Variants in MTMR3 observed in about 807,000 individuals in gnomAD.
MTMR3 encodes phosphatidylinositol-3,5-bisphosphate 3-phosphatase MTMR3.
MTMR3 carries 32 observed loss-of-function variants against 132.4 expected under a neutral mutation model. The observed-to-expected ratio is 0.24, with a 90% CI of 0.18 to 0.32. The LOEUF is 0.32. Ranked by LOEUF, MTMR3 falls within the 10% of genes least tolerant of loss-of-function variation. MTMR3 has a pLI of 1.00. For missense variants in MTMR3, 1,216 were observed against 1,489.6 expected (o/e 0.82, Z 3.02); for synonymous variants, 556 against 550.3 (o/e 1.01, Z -0.14).
chr22:30,006,290 CTCTT>C (rs1334395245), intron 9 of MTMR3: 3 of 152,170 alleles, frequency 2.0e-5, no homozygotes, highest in African/African-American at 4.8e-5. Context: ...TGCTCTTCTT[CTCTT>C]TCTTAAGAGC....
At chr22:29,960,079 G>A (rs1231083067) in intron 2 of MTMR3, among the ~76,000 whole-genome samples, 1 of 152,022 alleles carries the variant, frequency 6.6e-6, no homozygotes, top group East Asian at 1.9e-4. Flanking sequence ...GTTCTTATCT[G>A]AAGAAGCATG....
chr22:29,944,225 G>T (rs906664464), intron 1 of MTMR3, among the ~76,000 whole-genome samples: 1 of 151,342 alleles, frequency 6.6e-6, no homozygotes, highest in Non-Finnish European at 1.5e-5. Context: ...TTAGATTGGT[G>T]CAAAAGTAAT....
chr22:29,988,220 C>A, intron 5 of MTMR3: 1 of 268,600 alleles, frequency 3.7e-6, no homozygotes, highest in Non-Finnish European at 7.1e-6. Context: ...GATATATTCT[C>A]CCCTTCTTCC....
intron 13 of MTMR3, 26 bp downstream of exon 13, chr22:30,012,589 T>A (rs1476391452): frequency 6.4e-7 from 1 of 1,570,622 alleles, no homozygotes; most frequent in Non-Finnish European, 8.6e-7. Flanking sequence ...TGGGAGGGGT[T>A]GGTACTTCAG....
At position 29,998,746 on chromosome 22, in the gene MTMR3, A is replaced by G. The variant is rs1229237656; in HGVS notation, c.461-15A>G. ...ATTCATTTCTTCCTTTCTGCTGTTT[A>G]TCTTTGGCCTCTAGGGGAGCATGTA... On this transcript the variant is annotated splice_polypyrimidine_tract_variant and intron_variant, in intron 7 of 19. Coordinates refer to ENST00000401950, the MANE Select transcript of MTMR3 (RefSeq NM_021090.4). The G allele has an allele frequency of 1.0e-5, 16 of 1,590,892 alleles. No individual in the cohort carries two copies. The highest frequency in any genetic ancestry group is 1.4e-5 in the Non-Finnish European group (16 of 1,167,980).
chr22:29,886,617 T>C lies in MTMR3; in HGVS notation c.-138+3258T>C, dbSNP rs551779910. Reference sequence around the variant, plus strand: ...GCAAATTTTTAATCATTTCTAATTATGTTATTTGGTATTCATCTCATATAG... The same window carrying C: ...GCAAATTTTTAATCATTTCTAATTACGTTATTTGGTATTCATCTCATATAG... On this transcript the variant is annotated intron_variant, in intron 1 of 19. Transcript: ENST00000401950. Among the ~76,000 whole-genome samples the C allele has an allele frequency of 5.3e-5, 8 of 152,356 alleles. No individual in the cohort carries two copies. The East Asian group carries it at 1.5e-3, about 29-fold the overall frequency.
At chr22:29,986,051 GC>G (rs2066851217) in intron 5 of MTMR3, 1 of 152,242 alleles carries the variant, frequency 6.6e-6, no homozygotes, top group Non-Finnish European at 1.5e-5. Context: ...AAAGTCAGTT[GC>G]AGGGGACTTG....
intron 3 of MTMR3, among the ~76,000 whole-genome samples, chr22:29,971,722 A>G (rs1336752771): frequency 6.6e-6 from 1 of 152,078 alleles, no homozygotes; most frequent in African/African-American, 2.4e-5. Context: ...AATTTAATGG[A>G]CAATTTAATG....
intron 1 of MTMR3, among the ~76,000 whole-genome samples, chr22:29,903,243 TAAAAAAG>T (rs1005503369): frequency 2.0e-5 from 3 of 151,904 alleles, no homozygotes; most frequent in African/African-American, 7.3e-5. Context: ...AAAATAAAAA[TAAAAAAG>T]AAAAGAGTTT....
intron 2 of MTMR3, among the ~76,000 whole-genome samples, chr22:29,958,543 C>T (rs1007262729): frequency 5.3e-5 from 8 of 152,202 alleles, no homozygotes; most frequent in Admixed American, 1.3e-4. Context: ...CTTACTCTGC[C>T]GCCATGCCAT....
rs534394573 is a variant in MTMR3, at chr22:29,931,062, T to A, written c.-137-25974T>A. Among the ~76,000 whole-genome samples, 14 of 151,964 alleles carry A rather than the reference T, an allele frequency of 9.2e-5. No individual in the cohort carries two copies. In the South Asian group the frequency reaches 2.9e-3, roughly 32 times the overall value. On this transcript the variant is annotated intron_variant, in intron 1 of 19. Transcript: ENST00000401950. ...AAAATGACCTAACTTTGAGAGTGGT[T>A]GGTTTAAAAATCTTGAATTTCTCTA... is the stretch of plus-strand genomic sequence containing the variant.
At chr22:29,887,536 C>T (rs1464426399) in intron 1 of MTMR3, among the ~76,000 whole-genome samples, 1 of 152,184 alleles carries the variant, frequency 6.6e-6, no homozygotes, top group Non-Finnish European at 1.5e-5. Context: ...AAGGTTTCTG[C>T]TTCTGTACTC....
intron 1 of MTMR3, among the ~76,000 whole-genome samples, chr22:29,935,887 G>A (rs1445494445): frequency 6.6e-6 from 1 of 151,932 alleles, no homozygotes; most frequent in Non-Finnish European, 1.5e-5. Flanking sequence ...CGAGTAGCTG[G>A]GACTATAGGC....
At chr22:29,918,480 C>T (rs1050029455) in intron 1 of MTMR3, among the ~76,000 whole-genome samples, 3 of 152,072 alleles carry the variant, frequency 2.0e-5, no homozygotes, top group Non-Finnish European at 4.4e-5. Flanking sequence ...ATATATTTGC[C>T]GTTTTCCTTT....
intron 18 of MTMR3, 38 bp downstream of exon 18, chr22:30,022,177 A>G: frequency 6.6e-7 from 1 of 1,525,486 alleles, no homozygotes; most frequent in Non-Finnish European, 9.1e-7. Context: ...CCATCAATTT[A>G]ACTGTTTTGT....
chr22:30,011,036 C>T (rs1042526376), intron 12 of MTMR3: 2 of 152,194 alleles, frequency 1.3e-5, no homozygotes. Flanking sequence ...ACAACCAGTA[C>T]TTATGCACTG....
At chr22:29,900,189 G>A (rs1002279405) in intron 1 of MTMR3, among the ~76,000 whole-genome samples, 1 of 152,074 alleles carries the variant, frequency 6.6e-6, no homozygotes, top group Non-Finnish European at 1.5e-5. Context: ...GTTGATGGAG[G>A]GCTAAAAATT....
chr22:30,000,740 C>T (rs2067155336), intron 8 of MTMR3: 2 of 152,124 alleles, frequency 1.3e-5, no homozygotes, highest in South Asian at 4.1e-4. Flanking sequence ...AGTGATGAGT[C>T]AAAGCAAAGA....
intron 2 of MTMR3, among the ~76,000 whole-genome samples, chr22:29,965,579 A>G (rs2066398788): frequency 6.6e-6 from 1 of 152,104 alleles, no homozygotes; most frequent in Non-Finnish European, 1.5e-5. Flanking sequence ...CAGCTACTTG[A>G]GAGGCTGAGA....
Sources: gnomAD v4.1 joint callset for allele counts (sites outside exome capture counted in the v4.1 genomes callset) on GRCh38, gnomAD v4.1.1 for gene constraint, MANE v1.5 for transcripts, NCBI Gene and HGNC (gene_info 2026-07-23, HGNC 2026-07-21) for gene names.